Variants in ANP32A observed in about 807,000 individuals in gnomAD.
ANP32A encodes acidic nuclear phosphoprotein 32 family member A.
A neutral mutation model predicts 33.9 loss-of-function variants in ANP32A; 1 was observed. That is an observed-to-expected ratio of 0.03 (90% CI 0.01 to 0.14). The LOEUF is 0.14. Ranked by LOEUF, ANP32A falls within the 10% of genes least tolerant of loss-of-function variation. The pLI is 1.00. For missense variants in ANP32A, 155 were observed against 306.0 expected (o/e 0.51, Z 3.68); for synonymous variants, 115 against 120.5 (o/e 0.95, Z 0.30).
chr15:68,814,174 G>C (rs1276169015), intron 1 of ANP32A, among the ~76,000 whole-genome samples: 1 of 152,012 alleles, frequency 6.6e-6, no homozygotes, highest in East Asian at 1.9e-4. Context: ...CAGCCTCCAG[G>C]AAGTTTTTTA....
At chr15:68,811,753 T>C (rs926493698) in intron 1 of ANP32A, among the ~76,000 whole-genome samples, 3 of 152,218 alleles carry the variant, frequency 2.0e-5, no homozygotes, top group African/African-American at 4.8e-5. Context: ...TGGGTTTTTT[T>C]GAGACCGAGT....
Position 68,780,560 on chromosome 15 carries a change from G to A in ANP32A, c.625-87C>T. On this transcript the variant is annotated intron_variant, in intron 5 of 6. Coordinates refer to ENST00000465139, the MANE Select transcript of ANP32A (RefSeq NM_006305.4). This position sits in a 1 kb window ranked among gnomAD's most constrained non-coding sequence, Gnocchi z 4.3. The stretch of plus-strand genomic sequence containing the variant: ...GCCACACAGAGCACAAAAAGGCCGG[G>A]GTCACCCCCAGCCTCTCAGAGCCCC... The A allele has an allele frequency of 6.4e-7, 1 of 1,573,118 alleles. No homozygotes were observed. The highest frequency in any genetic ancestry group is 8.6e-7 in the Non-Finnish European group (1 of 1,161,616).
chr15:68,779,051 T>TA lies in ANP32A; in HGVS notation c.*1029dup, dbSNP rs1490924452. 6.6e-6 allele frequency: 1 copy of TA among 152,142 alleles called. No homozygotes were observed. Among genetic ancestry groups the TA allele is most frequent in the Non-Finnish European group, 1.5e-5 (1 of 68,034 alleles). The allele number at this position is 152,142 out of a possible 1,614,324, so 9.4% of individuals were successfully genotyped here. On this transcript the variant is annotated 3_prime_UTR_variant, in exon 7 of 7. Transcript: ENST00000465139. ...GGGTTCAGAAATTACACGTCACTTC[T>TA]AAAGCAACCAGAAGAGGGACACGAA... is the stretch of plus-strand genomic sequence containing the variant.
chr15:68,800,193 A>G (rs888797737), intron 1 of ANP32A, among the ~76,000 whole-genome samples: 4 of 152,274 alleles, frequency 2.6e-5, no homozygotes, highest in South Asian at 2.1e-4. Context: ...TTCCCCTCTT[A>G]AAATGCTATG....
At chr15:68,786,295 T>C (rs1363501952) in intron 3 of ANP32A, among the ~76,000 whole-genome samples, 1 of 140,492 alleles carries the variant, frequency 7.1e-6, no homozygotes, top group African/African-American at 2.7e-5. Flanking sequence ...AGTCTCACTC[T>C]GTCACCCAGG....
At chr15:68,820,442 C>T (rs1894456974) in intron 1 of ANP32A, among the ~76,000 whole-genome samples, 1 of 152,110 alleles carries the variant, frequency 6.6e-6, no homozygotes, top group Admixed American at 6.5e-5. Flanking sequence ...CACGCACACT[C>T]TCGCACCCAC....
chr15:68,804,551 GT>G (rs1894187451), intron 1 of ANP32A, among the ~76,000 whole-genome samples: 1 of 152,154 alleles, frequency 6.6e-6, no homozygotes. Context: ...GTCTTCCCTT[GT>G]TTTCTGAGTC....
intron 1 of ANP32A, among the ~76,000 whole-genome samples, chr15:68,794,650 G>A (rs138360379): frequency 2.5e-3 from 388 of 152,326 alleles, no homozygotes; most frequent in Middle Eastern, 6.8e-3. Flanking sequence ...GTTTTAGACT[G>A]GGGTGATAGA....
intron 1 of ANP32A, among the ~76,000 whole-genome samples, chr15:68,802,611 C>T (rs1477093109): frequency 6.6e-6 from 1 of 152,200 alleles, no homozygotes; most frequent in Non-Finnish European, 1.5e-5. Context: ...GATCCCATTT[C>T]TGACCTACAG....
intron 1 of ANP32A, 37 bp downstream of exon 1, chr15:68,820,661 G>A (rs776039786): frequency 4.4e-6 from 7 of 1,604,024 alleles, no homozygotes; most frequent in Middle Eastern, 1.7e-4. Flanking sequence ...CAAAGTAGGA[G>A]AATGGACCGA....
intron 1 of ANP32A, among the ~76,000 whole-genome samples, chr15:68,818,769 T>G (rs867915523): frequency 6.7e-6 from 1 of 150,086 alleles, no homozygotes; most frequent in East Asian, 2.0e-4. Flanking sequence ...CTTGGCGCCC[T>G]TCCCCCTCCG....
chr15:68,819,628 CGCCGAATGGCT>C (rs980642377), intron 1 of ANP32A, among the ~76,000 whole-genome samples: 6 of 152,174 alleles, frequency 3.9e-5, no homozygotes, highest in African/African-American at 1.2e-4. Context: ...ATTAAGCAGG[CGCCGAATGGCT>C]GCCGACAAGC....
chr15:68,782,933 C>T (rs545241264), intron 5 of ANP32A, 23 bp downstream of exon 5: 24 of 1,551,002 alleles, frequency 1.5e-5, no homozygotes, highest in Non-Finnish European at 2.0e-5. Flanking sequence ...AGACGGTGGC[C>T]CTGCCCAGCC....
chr15:68,782,677 T>C, intron 5 of ANP32A: 1 of 469,324 alleles, frequency 2.1e-6, no homozygotes, highest in East Asian at 3.8e-5. Flanking sequence ...TCTGTACTTC[T>C]TCACATAGAA....
At chr15:68,794,752 T>C (rs1289905153) in intron 1 of ANP32A, among the ~76,000 whole-genome samples, 1 of 149,806 alleles carries the variant, frequency 6.7e-6, no homozygotes, top group African/African-American at 2.4e-5. Context: ...AGGTTCCATG[T>C]TGGGGAAAAG....
Position 68,778,890 on chromosome 15 carries a change from A to T in ANP32A, c.*1191T>A, listed in dbSNP as rs1380796287. 2 of 152,204 alleles carry T rather than the reference A, an allele frequency of 1.3e-5. No homozygotes were observed. Among genetic ancestry groups the T allele is most frequent in the Non-Finnish European group, 2.9e-5 (2 of 68,048 alleles). 9.4% of individuals were successfully genotyped at this position (152,204 alleles called of 1,614,324 possible). On this transcript the variant is annotated 3_prime_UTR_variant, in exon 7 of 7. Coordinates refer to ENST00000465139, the MANE Select transcript of ANP32A (RefSeq NM_006305.4). The stretch of plus-strand genomic sequence containing the variant: ...ATCAATGGCCTGTTGGACTCAAAGA[A>T]GCCATCCCCAAAAAAATTGTATAAA...
At chr15:68,796,333 C>T (rs756530576) in intron 1 of ANP32A, among the ~76,000 whole-genome samples, 2 of 152,024 alleles carry the variant, frequency 1.3e-5, no homozygotes, top group Admixed American at 6.5e-5. Flanking sequence ...CACCTGCCTC[C>T]GCCTCCCAAA....
intron 1 of ANP32A, among the ~76,000 whole-genome samples, chr15:68,817,015 C>G (rs1230348478): frequency 6.6e-6 from 1 of 152,202 alleles, no homozygotes; most frequent in East Asian, 1.9e-4. Flanking sequence ...AAAGTAAAAG[C>G]TGGCTTCCAA....
At chr15:68,809,048 C>G (rs529239947) in intron 1 of ANP32A, among the ~76,000 whole-genome samples, 1 of 152,258 alleles carries the variant, frequency 6.6e-6, no homozygotes, top group South Asian at 2.1e-4. Flanking sequence ...GAATCCTTAT[C>G]GTAGCTACTT....
Sources: allele counts gnomAD v4.1 joint callset (sites outside exome capture counted in the v4.1 genomes callset), GRCh38; gene constraint gnomAD v4.1.1; non-coding constraint Gnocchi (gnomAD v3.1); transcripts MANE v1.5; gene names NCBI Gene and HGNC (gene_info 2026-07-23, HGNC 2026-07-21).